SCRIB: variants seen among roughly 807,000 people sequenced by gnomAD.
SCRIB encodes protein scribble homolog.
In SCRIB, 72 loss-of-function variants were observed where a neutral mutation model predicts 170.0. The observed-to-expected ratio is 0.42, with a 90% CI of 0.35 to 0.52. The LOEUF is 0.52. SCRIB is among the 20% of genes least tolerant of loss of function. SCRIB has a pLI of 0.02. For missense variants in SCRIB, 2,475 were observed against 2,338.5 expected, an observed-to-expected ratio of 1.06 and a Z score of -1.20; for synonymous variants, 1,298 against 1,044.3, an observed-to-expected ratio of 1.24 and a Z score of -4.68.
At chr8:143,809,988 G>A (rs563843380) in intron 13 of SCRIB, among the ~76,000 whole-genome samples, 5 of 152,254 alleles carry the variant, frequency 3.3e-5, no homozygotes, top group South Asian at 4.1e-4. Flanking sequence ...CAAGTTCCCA[G>A]GAAAATCCCA....
Position 143,792,008 on chromosome 8 carries a change from G to A in SCRIB, c.4640C>T (p.Ser1547Leu), listed in dbSNP as rs1182163806. The A allele has an allele frequency of 1.2e-5, 18 of 1,534,624 alleles. No homozygotes were observed. The highest frequency in any genetic ancestry group is 3.7e-5 in the South Asian group (3 of 80,804). The change falls in exon 33 of 37, where the codon TCG (serine) becomes TTG (leucine). Residue 1547 changes from serine to leucine, a missense_variant. Around this residue, in one of 3 missense-constraint regions of SCRIB, gnomAD observed 1,966 missense variants for 1,742.9 expected, o/e 1.13. Coordinates refer to ENST00000356994, the MANE Select transcript of SCRIB (RefSeq NM_182706.5). The stretch of plus-strand genomic sequence containing the variant: ...CCACAGACCTTCCACAGGGGTGGGC[G>A]ACGGGGTGGGCGCAGGGGAAGGGGC... ...AEAPSPAPTP[S>L]PTPVEDLGPQ...
chr8:143,808,194 A>G (rs1341157691), intron 15 of SCRIB, among the ~76,000 whole-genome samples: 2 of 152,220 alleles, frequency 1.3e-5, no homozygotes, highest in Non-Finnish European at 1.5e-5. Context: ...CAGGCCCTGG[A>G]GACCCACAAA....
chr8:143,793,329 C>A (rs1029946721), intron 28 of SCRIB: 1 of 419,844 alleles, frequency 2.4e-6, no homozygotes, highest in Non-Finnish European at 4.2e-6. Context: ...GCTGGATCAC[C>A]CCTGGTTTTG....
At chr8:143,801,643 C>T (rs1300856030) in intron 24 of SCRIB, among the ~76,000 whole-genome samples, 1 of 152,192 alleles carries the variant, frequency 6.6e-6, no homozygotes, top group Non-Finnish European at 1.5e-5. Context: ...AGGGTGACAA[C>T]GGAGAGCAAG....
At position 143,791,536 on chromosome 8, in the gene SCRIB, C is replaced by T. The variant is rs891468268; in HGVS notation, c.4771-96G>A. 3.0e-5 allele frequency: 47 copies of T among 1,580,642 alleles called. No individual in the cohort carries two copies. In the African/African-American group the frequency reaches 4.2e-4, roughly 14 times the overall value. ...TCCCAGCCCTGAGGCCCACAGAGCC[C>T]GGCTGAAGGGGGAGGGGGGGTGAAG... On this transcript the variant is annotated intron_variant, in intron 35 of 36. Transcript: ENST00000356994.
chr8:143,806,124 C>G (rs2130089429), intron 18 of SCRIB, among the ~76,000 whole-genome samples: 1 of 152,282 alleles, frequency 6.6e-6, no homozygotes, highest in South Asian at 2.1e-4. Flanking sequence ...GCAGCTGCTG[C>G]CCTACCCACT....
rs1325512013 is a variant in SCRIB at position 143,812,910 on chromosome 8, G to T, written c.694C>A (p.Leu232Met). 6.2e-7 allele frequency: 1 copy of T among 1,612,194 alleles called. No homozygotes were observed. Among genetic ancestry groups the T allele is most frequent in the East Asian group, 2.2e-5 (1 of 44,870 alleles). Reference protein sequence around the residue: ...LVCLDVSENRLEELPAELGGL... With the variant: ...LVCLDVSENRMEELPAELGGL... ...CCGAGCTCAGCAGGCAGCTCCTCCA[G>T]CCGGTTTTCCGACACGTCCAGGCAC... Residue 232 changes from leucine (L) to methionine (M), a missense_variant, in exon 8 of 37, where the codon CTG becomes ATG. Physicochemically the swap from Leu to Met is conservative, Grantham distance 15. This residue lies in a region of SCRIB where 487 missense variants were observed against 558.1 expected (regional missense o/e 0.87). Transcript: ENST00000356994.
chr8:143,804,763 G>C lies in SCRIB; in HGVS notation c.2814C>G (p.Ala938=). ...CCAACAGCAGGGCGATGGTGGGGGA[G>C]GCAGCGGTCAGCAGGGAGACGGCGT... is the stretch of plus-strand genomic sequence containing the variant. The part of the protein sequence containing the change: ...HDHAVSLLTA[A]SPTIALLLER... The change falls in exon 21 of 37, where the codon GCC becomes GCG. Residue 938 remains alanine, a synonymous_variant. Transcript: ENST00000356994. 2 of 1,604,650 alleles carry C rather than the reference G, an allele frequency of 1.2e-6. No homozygotes were observed. Among genetic ancestry groups the C allele is most frequent in the Non-Finnish European group, 1.7e-6 (2 of 1,177,166 alleles).
At chr8:143,797,963 A>G (rs185604130) in intron 24 of SCRIB, among the ~76,000 whole-genome samples, 38 of 152,348 alleles carry the variant, frequency 2.5e-4, no homozygotes, top group Admixed American at 2.3e-3. Flanking sequence ...ATGTGCTTAC[A>G]TTTTTCAAAG....
rs1587543396 is a variant in SCRIB at position 143,811,273 on chromosome 8, G to C, written c.979C>G (p.Leu327Val). 1.2e-6 allele frequency: 2 copies of C among 1,612,466 alleles called. No homozygotes were observed. The highest frequency in any genetic ancestry group is 1.7e-6 in the Non-Finnish European group (2 of 1,179,756). The stretch of plus-strand genomic sequence containing the variant: ...ACACAGCCCCCGATCTCGGGCGGCA[G>C]CGCCTCGAGGTGGTTCCGGTCCACG... ...LNVDRNHLEA[L>V]PPEIGGCVAL... The change falls in exon 10 of 37, where the codon CTG (leucine) becomes GTG (valine). Residue 327 changes from leucine (L) to valine (V), a missense_variant. Transcript: ENST00000356994.
intron 28 of SCRIB, 38 bp from the exon 29 acceptor site, chr8:143,793,121 C>G: frequency 2.5e-6 from 3 of 1,213,238 alleles, no homozygotes; most frequent in Non-Finnish European, 3.3e-6. Flanking sequence ...GCTGGGGCAG[C>G]TGTCGGGGCT....
In SCRIB at chr8:143,809,015, T is replaced by C. The variant is rs537760051; in HGVS notation, c.1709A>G (p.His570Arg). The C allele has an allele frequency of 2.5e-6, 4 of 1,611,758 alleles. No homozygotes were observed. In the East Asian group the frequency reaches 8.9e-5, roughly 36 times the overall value. Residue 570 changes from histidine (H) to arginine (R), a missense_variant, in exon 15 of 37, where the codon CAT (histidine) becomes CGT (arginine). His to Arg is a conservative substitution (Grantham distance 29). Coordinates refer to ENST00000356994, the MANE Select transcript of SCRIB (RefSeq NM_182706.5). ...AEEDYQEPTV[H>R]FAEDALLPGD... ...GGGCAGCAGTGCGTCCTCTGCGAAATGCACCGTGGGCTGTGCGGACAAAAG... is the reference window on the plus strand; with the variant it reads ...GGGCAGCAGTGCGTCCTCTGCGAAACGCACCGTGGGCTGTGCGGACAAAAG...
rs1814780128 is a variant in SCRIB at position 143,793,094 on chromosome 8, G to A, written c.3910-11C>T. On this transcript the variant is annotated splice_polypyrimidine_tract_variant and intron_variant, in intron 28 of 36. Coordinates refer to ENST00000356994, the MANE Select transcript of SCRIB (RefSeq NM_182706.5). ...AGGCGGGGAGGGCGGCTGGGGGGTG[G>A]GGCTCTTGTGAGCTATGCTGGGGCA... 10 of 1,417,236 alleles carry A rather than the reference G, an allele frequency of 7.1e-6. No homozygotes were observed. Among genetic ancestry groups the A allele is most frequent in the Non-Finnish European group, 9.3e-6 (10 of 1,070,346 alleles). 87.8% of individuals were successfully genotyped at this position (1,417,236 alleles called of 1,614,324 possible). A position where few individuals can be genotyped will look rare whatever the true frequency, so the allele number is the denominator to read the frequency against.
At chr8:143,792,907 C>A (rs374334968) in intron 29 of SCRIB, 40 bp from the exon 30 acceptor site, 2 of 1,501,086 alleles carry the variant, frequency 1.3e-6, no homozygotes, top group East Asian at 4.7e-5. Context: ...GGCATTCCTC[C>A]GAGATACTGG....
At chr8:143,807,912 G>A (rs1170727500) in intron 15 of SCRIB, among the ~76,000 whole-genome samples, 1 of 152,174 alleles carries the variant, frequency 6.6e-6, no homozygotes, top group African/African-American at 2.4e-5. Context: ...TCAAGGGCAG[G>A]GATAGTGAGA....
At position 143,815,423 on chromosome 8, in the gene SCRIB, G is replaced by T; in HGVS notation, c.-51C>A. 8.1e-7 allele frequency: 1 copy of T among 1,232,938 alleles called. No homozygotes were observed. The allele number at this position is 1,232,938 out of a possible 1,614,324, so 76.4% of individuals were successfully genotyped here. ...GGCGGCGGCGCTCGGCGGGCTCGGG[G>T]CCGGGGGGCGGGGCTCAGTCCGCAT... On this transcript the variant is annotated 5_prime_UTR_variant, in exon 1 of 37. Coordinates refer to ENST00000356994, the MANE Select transcript of SCRIB (RefSeq NM_182706.5).
At chr8:143,793,373 A>T in intron 28 of SCRIB, 1 of 305,514 alleles carries the variant, frequency 3.3e-6, no homozygotes, top group Non-Finnish European at 6.2e-6. Flanking sequence ...GCGGGGGCAG[A>T]GGAGAGCAGG....
chr8:143,792,071 C>A lies in SCRIB; in HGVS notation c.4577G>T (p.Gly1526Val). 6.3e-7 allele frequency: 1 copy of A among 1,594,980 alleles called. No individual in the cohort carries two copies. The highest frequency in any genetic ancestry group is 8.5e-7 in the Non-Finnish European group (1 of 1,176,208). The change falls in exon 33 of 37, where the codon GGC becomes GTC. Residue 1526 changes from glycine to valine, a missense_variant. Coordinates refer to ENST00000356994, the MANE Select transcript of SCRIB (RefSeq NM_182706.5). Reference sequence around the variant, plus strand: ...CTCCAGGGGCCCCCGCGTGCCCCGGCCTTCCTGGGACCTGCTGAGGACCAT... The same window carrying A: ...CTCCAGGGGCCCCCGCGTGCCCCGGACTTCCTGGGACCTGCTGAGGACCAT... The part of the protein sequence containing the change: ...AQMVLSRSQE[G>V]RGTRGPLERL...
Position 143,803,866 on chromosome 8 carries a change from G to T in SCRIB, c.3195C>A (p.Asp1065Glu). 6.2e-7 allele frequency: 1 copy of T among 1,600,268 alleles called. No homozygotes were observed. ...CTTCTTGGTGCGTGGCATCCCGCAC[G>T]TCTTGCCCGTTCACTGCCAGGATGC... The part of the protein sequence containing the change: ...GDRILAVNGQ[D>E]VRDATHQEAV... The change falls in exon 23 of 37, where the codon GAC becomes GAA. Residue 1065 changes from aspartate (D) to glutamate (E), a missense_variant. Asp to Glu is a conservative substitution (Grantham distance 45). This residue lies in a region of SCRIB where 1,966 missense variants were observed against 1,742.9 expected (regional missense o/e 1.13). Transcript: ENST00000356994.
Sources: gnomAD v4.1 joint callset for allele counts (sites outside exome capture counted in the v4.1 genomes callset) on GRCh38, gnomAD v4.1.1 for gene constraint, gnomAD v4.1.1 regional missense constraint, MANE v1.5 for transcripts, NCBI Gene and HGNC (gene_info 2026-07-23, HGNC 2026-07-21) for gene names.